The following NF2 variants were observed in gnomAD, a reference collection of about 807,000 sequenced individuals.
NF2 encodes the protein NF2, moesin-ezrin-radixin like (MERLIN) tumor suppressor.
Under a neutral mutation model 83.7 loss-of-function variants are expected in NF2, and 8 were observed. The ratio of observed to expected loss-of-function variants is 0.10; its 90% CI spans 0.06 to 0.17. The LOEUF (loss-of-function observed/expected upper bound fraction) is 0.17. Among genes scored for constraint, NF2 ranks in the 10% least tolerant of loss-of-function variants. The probability of loss-of-function intolerance (pLI) is 1.00; values close to 1 mark genes in which losing one functional copy is unlikely to be tolerated. For missense variants in NF2, 533 were observed against 744.4 expected (o/e 0.72, Z 3.31); for synonymous variants, 266 against 269.6 (o/e 0.99, Z 0.13).
rs1432132718 is a variant in NF2 at position 29,661,278 on chromosome 22, T to A, written c.749T>A (p.Leu250Gln). Reference protein sequence around the residue: ...GLHIYDPENRLTPKISFPWNE... With the variant: ...GLHIYDPENRQTPKISFPWNE... The stretch of plus-strand genomic sequence containing the variant: ...CACATTTATGACCCTGAGAACAGAC[T>A]GACCCCCAAGATCTCCTTCCCGTGG... Residue 250 changes from leucine to glutamine, a missense_variant, in exon 8 of 16, where the codon CTG (leucine) becomes CAG (glutamine). Physicochemically the swap from Leu to Gln is moderately radical, Grantham distance 113. Around this residue, in one of 3 missense-constraint regions of NF2, gnomAD observed 326 missense variants for 475.1 expected, o/e 0.69. Coordinates refer to ENST00000338641, the MANE Select transcript of NF2 (RefSeq NM_000268.4). The A allele has an allele frequency of 1.2e-6, 2 of 1,614,240 alleles. No individual in the cohort carries two copies. The highest frequency in any genetic ancestry group is 1.7e-6 in the Non-Finnish European group (2 of 1,180,044).
At chr22:29,644,146 A>G (rs1393381532) in intron 4 of NF2, among the ~76,000 whole-genome samples, 1 of 139,626 alleles carries the variant, frequency 7.2e-6, no homozygotes, top group African/African-American at 2.8e-5. Flanking sequence ...CTGGCGGAGG[A>G]GCTCCTCACT....
intron 1 of NF2, among the ~76,000 whole-genome samples, chr22:29,615,494 G>T (rs2065060723): frequency 6.6e-6 from 1 of 152,140 alleles, no homozygotes; most frequent in Non-Finnish European, 1.5e-5. Flanking sequence ...GATCACTTGA[G>T]CCTGGGAGAG....
intron 7 of NF2, among the ~76,000 whole-genome samples, chr22:29,660,488 TCCAGCC>T (rs1487095443): frequency 6.6e-6 from 1 of 152,166 alleles, no homozygotes; most frequent in East Asian, 1.9e-4. Flanking sequence ...AATGAGACCA[TCCAGCC>T]CCAGGCACTG....
chr22:29,681,326 C>A, intron 14 of NF2, 113 bp from the exon 15 acceptor site: 2 of 1,312,962 alleles, frequency 1.5e-6, no homozygotes, highest in African/African-American at 1.4e-5. Flanking sequence ...GAGACGTGAA[C>A]CCCAGGCCTC....
intron 15 of NF2, among the ~76,000 whole-genome samples, chr22:29,689,234 A>G (rs1370156319): frequency 6.6e-6 from 1 of 150,880 alleles, no homozygotes; most frequent in African/African-American, 2.4e-5. Context: ...CTGGCCACTT[A>G]GTACAGCCAT....
chr22:29,614,144 A>T (rs1048356191), intron 1 of NF2, among the ~76,000 whole-genome samples: 1 of 151,270 alleles, frequency 6.6e-6, no homozygotes, highest in East Asian at 2.0e-4. Flanking sequence ...CTCACACTAC[A>T]TACAAAAATT....
intron 12 of NF2, among the ~76,000 whole-genome samples, chr22:29,674,392 A>G (rs1482889108): frequency 6.6e-6 from 1 of 152,222 alleles, no homozygotes; most frequent in Non-Finnish European, 1.5e-5. Context: ...AGTGGGCACA[A>G]GGCCCACTGG....
chr22:29,667,313 C>T (rs911836740), intron 9 of NF2, among the ~76,000 whole-genome samples: 1 of 152,128 alleles, frequency 6.6e-6, no homozygotes, highest in Non-Finnish European at 1.5e-5. Flanking sequence ...TCATGTCTCA[C>T]TGCAGCATGG....
chr22:29,680,154 C>T (rs2067085523), intron 14 of NF2, among the ~76,000 whole-genome samples: 1 of 151,812 alleles, frequency 6.6e-6, no homozygotes, highest in Admixed American at 6.6e-5. Context: ...CTCCATCGCC[C>T]AGGCTGGAGT....
intron 1 of NF2, among the ~76,000 whole-genome samples, chr22:29,615,429 C>T (rs957635473): frequency 1.3e-5 from 2 of 151,858 alleles, no homozygotes; most frequent in Non-Finnish European, 1.5e-5. Context: ...AAAAATTAGC[C>T]AGGCGTGGTG....
intron 4 of NF2, among the ~76,000 whole-genome samples, chr22:29,652,397 C>T (rs1203766885): frequency 2.6e-5 from 4 of 152,134 alleles, no homozygotes; most frequent in Admixed American, 1.3e-4. Context: ...CTCCGCCTCC[C>T]GGGTTCAAGC....
chr22:29,683,634 GGTCT>G, intron 15 of NF2: 1 of 1,089,264 alleles, frequency 9.2e-7, no homozygotes, highest in Non-Finnish European at 1.1e-6. Context: ...CAGAGCACAG[GGTCT>G]GATATGTGAG....
intron 3 of NF2, among the ~76,000 whole-genome samples, chr22:29,639,569 A>G (rs1057195044): frequency 6.6e-6 from 1 of 152,184 alleles, no homozygotes; most frequent in Non-Finnish European, 1.5e-5. Context: ...AGTTCTTCCA[A>G]AAGTTTAAAA....
chr22:29,648,726 C>A (rs2066054845), intron 4 of NF2, among the ~76,000 whole-genome samples: 1 of 152,232 alleles, frequency 6.6e-6, no homozygotes, highest in South Asian at 2.1e-4. Flanking sequence ...AAGGGATCCT[C>A]CCACCTCAGC....
At position 29,639,599 on chromosome 22, in the gene NF2, G is replaced by A. The variant is rs2065745815; in HGVS notation, c.363+387G>A. Among the ~76,000 whole-genome samples, 2 of 152,100 alleles carry A rather than the reference G, an allele frequency of 1.3e-5. 1 individual carries two copies. Among genetic ancestry groups the A allele is most frequent in the South Asian group, 4.2e-4 (2 of 4,816 alleles). On this transcript the variant is annotated intron_variant, in intron 3 of 15. Coordinates refer to ENST00000338641, the MANE Select transcript of NF2 (RefSeq NM_000268.4). ...TTAAAATCTGCTCTCATTAAGAGAG[G>A]ACTGGCCGGGCATGGTGGCTCAGGC...
chr22:29,650,566 C>G (rs917581483), intron 4 of NF2, among the ~76,000 whole-genome samples: 3 of 150,798 alleles, frequency 2.0e-5, no homozygotes, highest in Non-Finnish European at 4.4e-5. Flanking sequence ...CTCTCTCTCT[C>G]CTTCCTCCCT....
intron 9 of NF2, among the ~76,000 whole-genome samples, chr22:29,667,998 T>C (rs928234171): frequency 6.6e-5 from 10 of 152,224 alleles, no homozygotes; most frequent in Non-Finnish European, 1.5e-4. Context: ...TCAGCCCAGC[T>C]TACTGAACGA....
chr22:29,635,501 T>C (rs993301932), intron 1 of NF2, among the ~76,000 whole-genome samples: 1 of 152,046 alleles, frequency 6.6e-6, no homozygotes, highest in South Asian at 2.1e-4. Flanking sequence ...GCTAATTTTT[T>C]AGTATTTTAC....
At position 29,658,145 on chromosome 22, in the gene NF2, A is replaced by T. The variant is rs751933108; in HGVS notation, c.600-44A>T. ...TTTGGTGCCCACCCGCTCTCCACCC[A>T]TCTCACTTAGCTCCAATGACAGTGT... On this transcript the variant is annotated intron_variant, in intron 6 of 15. Transcript: ENST00000338641. 8 of 1,587,220 alleles carry T rather than the reference A, an allele frequency of 5.0e-6. No individual in the cohort carries two copies. The South Asian group carries it at 8.8e-5, about 18-fold the overall frequency.
Sources: allele counts gnomAD v4.1 joint callset (sites outside exome capture counted in the v4.1 genomes callset), GRCh38; gene constraint gnomAD v4.1.1; regional missense constraint gnomAD v4.1.1; transcripts MANE v1.5; gene names NCBI Gene and HGNC (gene_info 2026-07-23, HGNC 2026-07-21).